PLXNA4: variants seen among roughly 807,000 people sequenced by gnomAD.
PLXNA4 encodes plexin A4.
PLXNA4 carries 44 observed loss-of-function variants against 191.8 expected under a neutral mutation model. That is an observed-to-expected ratio of 0.23 (90% CI 0.18 to 0.29). The LOEUF (loss-of-function observed/expected upper bound fraction) is 0.29, where lower values mean the gene tolerates loss of function less well. PLXNA4 is among the 10% of genes least tolerant of loss of function. The pLI is 1.00. For synonymous variants in PLXNA4, 1,082 were observed against 1,009.5 expected, an observed-to-expected ratio of 1.07 and a Z score of -1.36; for missense variants, 1,800 against 2,488.8, an observed-to-expected ratio of 0.72 and a Z score of 5.89.
intron 3 of PLXNA4, among the ~76,000 whole-genome samples, chr7:132,366,714 A>G (rs2116878349): frequency 6.6e-6 from 1 of 152,340 alleles, no homozygotes; most frequent in Non-Finnish European, 1.5e-5. Flanking sequence ...AGAATAATTG[A>G]CATCTGCTGT....
chr7:132,129,647 A>G lies in PLXNA4; in HGVS notation c.*832T>C. On this transcript the variant is annotated 3_prime_UTR_variant, in exon 32 of 32. Transcript: ENST00000321063. ...AAATTCTGCTTCCAGGGTAGATGCA[A>G]CTCTCTTTCCTTTTCTCCCCCTGTG... 6.6e-6 allele frequency: 1 copy of G among 152,510 alleles called. No homozygotes were observed. 9.4% of individuals were successfully genotyped at this position (152,510 alleles called of 1,614,324 possible). A position where few individuals can be genotyped will look rare whatever the true frequency, so the allele number is the denominator to read the frequency against.
At chr7:132,582,964 G>T (rs976005084) in intron 2 of PLXNA4, among the ~76,000 whole-genome samples, 1 of 152,180 alleles carries the variant, frequency 6.6e-6, no homozygotes. Context: ...AGAGCTCCGG[G>T]GTTAAACCTC....
intron 3 of PLXNA4, among the ~76,000 whole-genome samples, chr7:132,387,972 C>G (rs1160825635): frequency 1.3e-5 from 2 of 152,090 alleles, no homozygotes; most frequent in African/African-American, 2.4e-5. Flanking sequence ...GCACCTCCCT[C>G]CCGCGGCATG....
chr7:132,186,341 G>A (rs1266837667), intron 15 of PLXNA4, among the ~76,000 whole-genome samples: 24 of 152,200 alleles, frequency 1.6e-4, no homozygotes, highest in Admixed American at 8.5e-4. Flanking sequence ...GGTCCAGCTG[G>A]CTCTGCAGCT....
rs1796443315 is a variant in PLXNA4 at position 132,459,955 on chromosome 7, A to G, written c.1371+29337T>C. Among the ~76,000 whole-genome samples, 4 of 144,256 alleles carry G rather than the reference A, an allele frequency of 2.8e-5. No homozygotes were observed. The South Asian group carries it at 8.5e-4, about 31-fold the overall frequency. The allele number at this position is 144,256 out of a possible 152,430, so 94.6% of individuals were successfully genotyped here. ...CCCTTCTCTTCCCCATGCCCCTCCT[A>G]TAATTAACCTACACATCAGCATATA... On this transcript the variant is annotated intron_variant, in intron 3 of 31. Transcript: ENST00000321063.
intron 27 of PLXNA4, among the ~76,000 whole-genome samples, chr7:132,147,399 A>G (rs1562835): frequency 0.9 from 136,372 of 152,148 alleles, 61,471 homozygotes; most frequent in African/African-American, 0.96. Flanking sequence ...GACTAGCCCC[A>G]AAGCACACAG....
rs191002983 is a variant in PLXNA4, at chr7:132,539,205, C to T, written c.-86-30426G>A. On this transcript the variant is annotated intron_variant, in intron 1 of 31. Coordinates refer to ENST00000321063, the MANE Select transcript of PLXNA4 (RefSeq NM_020911.2). Reference sequence around the variant, plus strand: ...ACAGTGGAGTACAACCCAAGTGAGACTCTGTCCCTGCCACAAAGACCGTGC... The same window carrying T: ...ACAGTGGAGTACAACCCAAGTGAGATTCTGTCCCTGCCACAAAGACCGTGC... 5.3e-5 allele frequency among the ~76,000 whole-genome samples: 8 copies of T among 152,298 alleles called. No homozygotes were observed. The East Asian group carries it at 1.5e-3, about 29-fold the overall frequency.
rs1452085807 is a variant in PLXNA4 at position 132,258,024 on chromosome 7, T to C, written c.1504-16858A>G. Among the ~76,000 whole-genome samples the C allele has an allele frequency of 1.8e-4, 27 of 152,216 alleles. 1 individual carries two copies. Among genetic ancestry groups the C allele is most frequent in the Non-Finnish European group, 1.5e-5 (1 of 68,042 alleles). ...GGAGGGTGTAGCTGGAAAAGGGTCA[T>C]TGAAGGCAGAAAAGTTGGACAGAAA... On this transcript the variant is annotated intron_variant, in intron 4 of 31. Coordinates refer to ENST00000321063, the MANE Select transcript of PLXNA4 (RefSeq NM_020911.2).
intron 1 of PLXNA4, among the ~76,000 whole-genome samples, chr7:132,563,555 A>C (rs867350429): frequency 0.21 from 4,597 of 21,946 alleles, no homozygotes; most frequent in African/African-American, 0.25. Context: ...TCCTTCTCCT[A>C]CTCCTTCTCC....
At chr7:132,332,947 G>A (rs774790572) in intron 3 of PLXNA4, among the ~76,000 whole-genome samples, 4 of 151,562 alleles carry the variant, frequency 2.6e-5, no homozygotes, top group Non-Finnish European at 4.4e-5. Context: ...CATGAATTCT[G>A]ATATTTTCCC....
At chr7:132,597,016 G>C (rs1370936021) in intron 2 of PLXNA4, among the ~76,000 whole-genome samples, 1 of 152,110 alleles carries the variant, frequency 6.6e-6, no homozygotes, top group African/African-American at 2.4e-5. Flanking sequence ...GCTTTGATTT[G>C]GGCTTCCATG....
rs56698816 is a variant in PLXNA4, at chr7:132,595,466, G to A, written c.-87+50462C>T. Among the ~76,000 whole-genome samples the A allele has an allele frequency of 6.6e-5, 10 of 152,202 alleles. No individual in the cohort carries two copies. The East Asian group carries it at 1.4e-3, about 21-fold the overall frequency. Reference sequence around the variant, plus strand: ...TCCAGGAGAATAAGGAATTCTGTGCGCATAAGTTTTAAATCCCCAGATACG... The same window carrying A: ...TCCAGGAGAATAAGGAATTCTGTGCACATAAGTTTTAAATCCCCAGATACG... On this transcript the variant is annotated intron_variant, in intron 2 of 4. Coordinates refer to the PLXNA4 transcript ENST00000378539.
intron 4 of PLXNA4, among the ~76,000 whole-genome samples, chr7:132,246,420 T>TAG (rs1799052069): frequency 6.6e-6 from 1 of 152,206 alleles, no homozygotes; most frequent in African/African-American, 2.4e-5. Flanking sequence ...AATAATGCCA[T>TAG]AGCCTTGTTC....
intron 2 of PLXNA4, among the ~76,000 whole-genome samples, chr7:132,506,347 C>T (rs1211068484): frequency 2.0e-5 from 3 of 152,122 alleles, no homozygotes; most frequent in East Asian, 1.9e-4. Context: ...AATACATTTC[C>T]TAATATGGAA....
chr7:132,189,029 AAAGAGAGAGAGAGAGAGAGAGAGAGAG>A (rs1797000587), intron 14 of PLXNA4, among the ~76,000 whole-genome samples: 8 of 87,052 alleles, frequency 9.2e-5, no homozygotes, highest in African/African-American at 3.7e-4. Context: ...AGAGAGAGAG[AAAGAGAGAGAGAGAGAGAGAGAGAGAG>A]AGAGAGAGAG....
Position 132,508,178 on chromosome 7 carries a change from C to A in PLXNA4, c.516G>T (p.Val172=). The A allele has an allele frequency of 1.2e-6, 2 of 1,614,174 alleles. No individual in the cohort carries two copies. Among genetic ancestry groups the A allele is most frequent in the Non-Finnish European group, 1.7e-6 (2 of 1,180,026 alleles). The change falls in exon 2 of 32, where the codon GTG becomes GTT. Residue 172 remains valine (V), a synonymous_variant. Transcript: ENST00000321063. This position sits in a 1 kb window ranked among gnomAD's most constrained non-coding sequence, Gnocchi z 4.4. ...CATCCAGGTTGCTGTAGGAGACGAT[C>A]ACTCCAAAGACTGAGCCGCTCTCGT... ...GVNESGSVFG[V]IVSYSNLDDK...
intron 24 of PLXNA4, 74 bp downstream of exon 24, chr7:132,164,068 C>A: frequency 6.3e-7 from 1 of 1,589,266 alleles, no homozygotes; most frequent in Non-Finnish European, 8.6e-7. Flanking sequence ...CAGCCATCTC[C>A]ACTGCTGAGC....
intron 4 of PLXNA4, among the ~76,000 whole-genome samples, chr7:132,246,305 A>G (rs1172596566): frequency 1.3e-5 from 2 of 152,200 alleles, no homozygotes; most frequent in Non-Finnish European, 2.9e-5. Context: ...TATTCTTTTC[A>G]ACGTAATCTC....
intron 4 of PLXNA4, among the ~76,000 whole-genome samples, chr7:132,283,120 C>T (rs1800549779): frequency 6.6e-6 from 1 of 152,122 alleles, no homozygotes. Context: ...ATTCACTGGC[C>T]TCGGCCTCCG....
Sources: gnomAD v4.1 joint callset for allele counts (sites outside exome capture counted in the v4.1 genomes callset) on GRCh38, gnomAD v4.1.1 for gene constraint, Gnocchi (gnomAD v3.1) non-coding constraint, MANE v1.5 for transcripts, NCBI Gene and HGNC (gene_info 2026-07-23, HGNC 2026-07-21) for gene names.